Variants in UBASH3B observed in about 807,000 individuals in gnomAD.
The protein encoded by UBASH3B is ubiquitin-associated and SH3 domain-containing protein B.
UBASH3B carries 37 observed loss-of-function variants against 83.4 expected under a neutral mutation model. The observed-to-expected ratio is 0.44, with a 90% CI of 0.34 to 0.58. The LOEUF is 0.58. UBASH3B is among the 20% of genes least tolerant of loss of function. The pLI, the probability that UBASH3B is intolerant of heterozygous loss-of-function variation, is 0.01. For missense variants in UBASH3B, 657 were observed against 827.2 expected (o/e 0.79, Z 2.52); for synonymous variants, 304 against 318.3 (o/e 0.96, Z 0.48).
intron 1 of UBASH3B, chr11:122,774,202 G>C: frequency 1.0e-6 from 1 of 985,372 alleles, no homozygotes; most frequent in Non-Finnish European, 1.2e-6. Context: ...AGCCTTTTCT[G>C]CACCAGCTGT....
intron 5 of UBASH3B, among the ~76,000 whole-genome samples, chr11:122,785,847 G>A (rs940427364): frequency 2.0e-5 from 3 of 152,190 alleles, no homozygotes; most frequent in Admixed American, 1.3e-4. Context: ...CCCAGCACAA[G>A]GTGGGTGCAA....
intron 1 of UBASH3B, among the ~76,000 whole-genome samples, chr11:122,765,259 C>G (rs1860514360): frequency 6.6e-6 from 1 of 152,232 alleles, no homozygotes; most frequent in Non-Finnish European, 1.5e-5. Flanking sequence ...TCAAGTTCCT[C>G]TAATGCCAAG....
chr11:122,659,505 G>A (rs1281913612), intron 1 of UBASH3B, among the ~76,000 whole-genome samples: 1 of 152,190 alleles, frequency 6.6e-6, no homozygotes, highest in Non-Finnish European at 1.5e-5. Context: ...CTTCCCCCCA[G>A]TAACTTAGAC....
intron 10 of UBASH3B, among the ~76,000 whole-genome samples, chr11:122,800,287 C>A (rs986273697): frequency 6.6e-6 from 1 of 151,750 alleles, no homozygotes; most frequent in Non-Finnish European, 1.5e-5. Context: ...CGCCTGTAAT[C>A]CCAGCACTTT....
chr11:122,768,466 A>ATGTGTG (rs1555144490), intron 1 of UBASH3B, among the ~76,000 whole-genome samples: 10 of 129,040 alleles, frequency 7.7e-5, no homozygotes, highest in African/African-American at 3.4e-4. Context: ...AGAGATATAT[A>ATGTGTG]TGTATGTGTG....
At chr11:122,751,108 C>T (rs976941779) in intron 1 of UBASH3B, among the ~76,000 whole-genome samples, 22 of 64,524 alleles carry the variant, frequency 3.4e-4, no homozygotes, top group Non-Finnish European at 2.5e-4. Context: ...TTACGCTTCC[C>T]GGCCTCTCAT....
At position 122,727,004 on chromosome 11, in the gene UBASH3B, G is replaced by A. The variant is rs145103100; in HGVS notation, c.162-49215G>A. Among the ~76,000 whole-genome samples, 713 of 152,336 alleles carry A rather than the reference G, an allele frequency of 4.7e-3. 5 individuals are homozygous for A. The highest frequency in any genetic ancestry group is 0.016 in the African/African-American group (681 of 41,576). ...CTTCCCTCTTGTCCACGGGTCCCAG[G>A]ACTTATTTTTAAAAAAGGATTCCGA... On this transcript the variant is annotated intron_variant, in intron 1 of 13. Coordinates refer to ENST00000284273, the MANE Select transcript of UBASH3B (RefSeq NM_032873.5).
intron 1 of UBASH3B, among the ~76,000 whole-genome samples, chr11:122,670,209 TGCCCA>T (rs1164848655): frequency 6.6e-6 from 1 of 151,886 alleles, no homozygotes; most frequent in Non-Finnish European, 1.5e-5. Flanking sequence ...GTATATACAC[TGCCCA>T]TCTCAGCTCC....
At chr11:122,695,111 CTGCT>C (rs1479853080) in intron 1 of UBASH3B, among the ~76,000 whole-genome samples, 4 of 151,356 alleles carry the variant, frequency 2.6e-5, no homozygotes, top group Non-Finnish European at 5.9e-5. Flanking sequence ...TTACAGGCAC[CTGCT>C]ACCATGCCCG....
intron 1 of UBASH3B, among the ~76,000 whole-genome samples, chr11:122,725,439 A>G (rs1418911703): frequency 6.6e-6 from 1 of 151,744 alleles, no homozygotes; most frequent in African/African-American, 2.4e-5. Context: ...CCCAACCTTA[A>G]CCGTGGTCAG....
intron 1 of UBASH3B, among the ~76,000 whole-genome samples, chr11:122,712,896 GTTTTTTTTTTTTTTTTT>G (rs386375116): frequency 1.6e-5 from 1 of 64,496 alleles, no homozygotes; most frequent in Admixed American, 2.3e-4. Context: ...TCTCTGGGTG[GTTTTTTTTTTTTTTTTT>G]TTTTTTTTTT....
At chr11:122,732,884 G>A (rs1860865976) in intron 1 of UBASH3B, among the ~76,000 whole-genome samples, 1 of 152,158 alleles carries the variant, frequency 6.6e-6, no homozygotes, top group African/African-American at 2.4e-5. Context: ...TCAAATAGTG[G>A]CAGAATCCTA....
At chr11:122,700,497 C>CTTTTTTTTTTTTTTTTTTTTTTTTTT (rs10640825) in intron 1 of UBASH3B, among the ~76,000 whole-genome samples, 1 of 118,804 alleles carries the variant, frequency 8.4e-6, no homozygotes, top group African/African-American at 3.2e-5. Context: ...TACTTCTGAT[C>CTTTTTTTTTTTTTTTTTTTTTTTTTT]TTTTTTTTTT....
rs1409761881 is a variant in UBASH3B, at chr11:122,796,991, G to T, written c.1315G>T (p.Ala439Ser). 1 of 1,613,856 alleles carries T rather than the reference G, an allele frequency of 6.2e-7. No individual in the cohort carries two copies. The highest frequency in any genetic ancestry group is 8.5e-7 in the Non-Finnish European group (1 of 1,179,864). The change falls in exon 9 of 14, where the codon GCT becomes TCT. Residue 439 changes from alanine (A) to serine (S), a missense_variant. By Grantham distance (99) the Ala-to-Ser change is moderately conservative. This residue lies in a region of UBASH3B where 573 missense variants were observed against 739.0 expected (regional missense o/e 0.78). Coordinates refer to ENST00000284273, the MANE Select transcript of UBASH3B (RefSeq NM_032873.5). ...TGGTTTCCGAGATTACGAGAAAGAT[G>T]CTCCCATCACTGTGTTTGGATGCAT... Reference protein sequence around the residue: ...SGGFRDYEKDAPITVFGCMQA... With the variant: ...SGGFRDYEKDSPITVFGCMQA...
In UBASH3B at chr11:122,783,250, T is replaced by C. The variant is rs1466485510; in HGVS notation, c.771+28T>C. The C allele has an allele frequency of 1.9e-6, 3 of 1,607,216 alleles. No individual in the cohort carries two copies. In the South Asian group the frequency reaches 3.3e-5, roughly 18 times the overall value. On this transcript the variant is annotated intron_variant, in intron 5 of 13. Transcript: ENST00000284273. ...AATGTCTCACTGTGGTTCCAGAAGC[T>C]ACCAGGTGCAGGGATGCAATCAGAA...
At chr11:122,769,404 G>A (rs1334992321) in intron 1 of UBASH3B, among the ~76,000 whole-genome samples, 1 of 152,172 alleles carries the variant, frequency 6.6e-6, no homozygotes, top group Non-Finnish European at 1.5e-5. Context: ...AGACTTGGTG[G>A]GGTCAAGCAA....
At chr11:122,732,440 G>T (rs945943976) in intron 1 of UBASH3B, among the ~76,000 whole-genome samples, 1 of 152,162 alleles carries the variant, frequency 6.6e-6, no homozygotes. Context: ...TTAGACATTG[G>T]TGTATGTGGG....
At chr11:122,663,178 T>C (rs1863469086) in intron 1 of UBASH3B, among the ~76,000 whole-genome samples, 1 of 152,122 alleles carries the variant, frequency 6.6e-6, no homozygotes, top group South Asian at 2.1e-4. Flanking sequence ...GATTTCACCA[T>C]GTTGCCCAGG....
chr11:122,716,718 G>A, intron 1 of UBASH3B, among the ~76,000 whole-genome samples: 1 of 152,192 alleles, frequency 6.6e-6, no homozygotes. Context: ...GGCAGGTAAT[G>A]CAACCACAAT....
Sources: gnomAD v4.1 joint callset for allele counts (sites outside exome capture counted in the v4.1 genomes callset) on GRCh38, gnomAD v4.1.1 for gene constraint, gnomAD v4.1.1 regional missense constraint, MANE v1.5 for transcripts, NCBI Gene and HGNC (gene_info 2026-07-23, HGNC 2026-07-21) for gene names.